Variants in RBBP8NL observed in about 807,000 individuals in gnomAD.
RBBP8NL encodes the protein RBBP8 N-terminal like, also known as RBBP8 N-terminal-like protein.
Under a neutral mutation model 62.2 loss-of-function variants are expected in RBBP8NL, and 59 were observed. The observed-to-expected ratio is 0.95, with a 90% confidence interval of 0.77 to 1.18. The LOEUF is 1.18. RBBP8NL is among the 50% of genes most tolerant of loss of function. The pLI is 0.00. For missense variants in RBBP8NL, 896 were observed against 899.5 expected (o/e 1.00, Z 0.05); for synonymous variants, 412 against 394.1 (o/e 1.05, Z -0.54).
intron 5 of RBBP8NL, 58 bp from the exon 6 acceptor site, chr20:62,416,294 T>TGGGGGGG: frequency 9.7e-6 from 5 of 515,302 alleles, no homozygotes; most frequent in East Asian, 9.4e-5. Context: ...GGGGCAGGGG[T>TGGGGGGG]GGGGTCGTCA....
chr20:62,414,005 C>A lies in RBBP8NL; in HGVS notation c.1346G>T (p.Arg449Leu). Residue 449 changes from arginine (R) to leucine (L), a missense_variant, in exon 10 of 14, where the codon CGG becomes CTG. Arg to Leu is a moderately radical substitution (Grantham distance 102, BLOSUM62 -2). Transcript: ENST00000252998. ...CTTGGGAGTGTCCTGGCCCCGGGCC[C>A]GGCCCCACTCCGAGAGGTCCAGGGG... The part of the protein sequence containing the change: ...DKPLDLSEWG[R>L]ARGQDTPKPA... 6.4e-7 allele frequency: 1 copy of A among 1,574,046 alleles called. No individual in the cohort carries two copies. The highest frequency in any genetic ancestry group is 8.6e-7 in the Non-Finnish European group (1 of 1,160,410).
chr20:62,411,025 G>A (rs757516261), intron 13 of RBBP8NL, 29 bp from the exon 14 acceptor site: 1 of 1,465,230 alleles, frequency 6.8e-7, no homozygotes, highest in Middle Eastern at 1.7e-4. Flanking sequence ...GGTCAGGCCG[G>A]AGCTGTGTGC....
At chr20:62,421,095 G>A (rs1033657665) in intron 1 of RBBP8NL, among the ~76,000 whole-genome samples, 1 of 152,272 alleles carries the variant, frequency 6.6e-6, no homozygotes, top group Non-Finnish European at 1.5e-5. Flanking sequence ...CTGGGAGGTT[G>A]GGATACCGGT....
intron 1 of RBBP8NL, among the ~76,000 whole-genome samples, 192 bp downstream of exon 1, chr20:62,427,268 C>T (rs894030553): frequency 1.2e-4 from 18 of 152,238 alleles, no homozygotes; most frequent in South Asian, 2.1e-4. Context: ...GAGCTCTCTC[C>T]GTTGCTAGGT....
At chr20:62,424,568 G>A (rs1266686784) in intron 1 of RBBP8NL, among the ~76,000 whole-genome samples, 2 of 152,186 alleles carry the variant, frequency 1.3e-5, no homozygotes, top group Non-Finnish European at 1.5e-5. Context: ...CACCAGAACG[G>A]AACAGAGCCC....
intron 1 of RBBP8NL, among the ~76,000 whole-genome samples, chr20:62,425,572 C>T (rs1049355909): frequency 2.6e-5 from 4 of 152,354 alleles, no homozygotes; most frequent in African/African-American, 9.6e-5. Context: ...TGTTCTTACC[C>T]TGTCCTCTGG....
chr20:62,416,861 C>A lies in RBBP8NL; in HGVS notation c.212G>T (p.Gly71Val). ...LRVLENRLRA[G>V]LCDRCMVTQE... ...GGTGACCATGCAGCGGTCGCACAGGCCGGCCCGCAGCCTGCAGGGATGGGG... is the reference window on the plus strand; with the variant it reads ...GGTGACCATGCAGCGGTCGCACAGGACGGCCCGCAGCCTGCAGGGATGGGG... Residue 71 changes from glycine (G) to valine (V), a missense_variant, in exon 5 of 14, where the codon GGC becomes GTC. Coordinates refer to ENST00000252998, the MANE Select transcript of RBBP8NL (RefSeq NM_080833.3). 6.4e-7 allele frequency: 1 copy of A among 1,563,174 alleles called. No individual in the cohort carries two copies. The highest frequency in any genetic ancestry group is 8.7e-7 in the Non-Finnish European group (1 of 1,154,706).
At chr20:62,413,102 C>A (rs1988472831) in intron 11 of RBBP8NL, among the ~76,000 whole-genome samples, 1 of 152,270 alleles carries the variant, frequency 6.6e-6, no homozygotes, top group Non-Finnish European at 1.5e-5. Context: ...AGTTGGGGTT[C>A]CCGCCCCTGG....
chr20:62,420,516 A>G (rs903617971), intron 1 of RBBP8NL, among the ~76,000 whole-genome samples: 2 of 152,114 alleles, frequency 1.3e-5, no homozygotes, highest in Non-Finnish European at 2.9e-5. Context: ...CACAACACAC[A>G]GGCACACACC....
chr20:62,421,229 G>A (rs933112977), intron 1 of RBBP8NL, among the ~76,000 whole-genome samples: 2 of 152,194 alleles, frequency 1.3e-5, no homozygotes, highest in Non-Finnish European at 2.9e-5. Context: ...TGCCGTGTGT[G>A]TGCACGCCCG....
chr20:62,412,168 G>A (rs1988448797), intron 13 of RBBP8NL, among the ~76,000 whole-genome samples: 1 of 152,220 alleles, frequency 6.6e-6, no homozygotes, highest in East Asian at 1.9e-4. Flanking sequence ...GTGCCCCCAT[G>A]CCCCTCGGGG....
intron 5 of RBBP8NL, 58 bp from the exon 6 acceptor site, chr20:62,416,294 T>TGGGGGGGGGGGGGGGGGGGGGGGGGGG: frequency 1.4e-5 from 7 of 515,288 alleles, no homozygotes; most frequent in East Asian, 9.4e-5. Flanking sequence ...GGGGCAGGGG[T>TGGGGGGGGGGGGGGGGGGGGGGGGGGG]GGGGTCGTCA....
intron 3 of RBBP8NL, 27 bp from the exon 4 acceptor site, chr20:62,417,346 G>A (rs6061521): frequency 0.45 from 694,829 of 1,546,806 alleles, 161,253 homozygotes; most frequent in East Asian, 0.65. Flanking sequence ...CTAAAGTGGG[G>A]TCCTGTTCCA....
intron 8 of RBBP8NL, 134 bp from the exon 9 acceptor site, chr20:62,415,421 C>T (rs911433160): frequency 3.5e-5 from 48 of 1,373,120 alleles, no homozygotes; most frequent in Middle Eastern, 2.5e-4. Flanking sequence ...CCCCCACCCA[C>T]GCCAAATGGA....
chr20:62,415,592 G>A lies in RBBP8NL; in HGVS notation c.613C>T (p.Arg205Ter), dbSNP rs1292531905. ...CCTGCCCTTACCATGTCTGGGGCTC[G>A]CGACTCAGGCAGGGTGGCCCCTGGG... ...ISPGATLPES[R>*]APDMSPQRIS... The change falls in exon 8 of 14, where the codon CGA (arginine) becomes TGA (stop). Residue 205 changes from arginine (R) to a stop codon, truncating the protein, a stop_gained. Coordinates refer to ENST00000252998, the MANE Select transcript of RBBP8NL (RefSeq NM_080833.3). LOFTEE classifies it high-confidence loss of function. 1.9e-6 allele frequency: 3 copies of A among 1,612,658 alleles called. No individual in the cohort carries two copies. The highest frequency in any genetic ancestry group is 2.5e-6 in the Non-Finnish European group (3 of 1,179,892).
At chr20:62,422,137 C>T (rs1211675905) in intron 1 of RBBP8NL, among the ~76,000 whole-genome samples, 2 of 152,186 alleles carry the variant, frequency 1.3e-5, no homozygotes, top group Non-Finnish European at 2.9e-5. Flanking sequence ...ACTTCGGGCT[C>T]GCAGCTGGAG....
Position 62,417,247 on chromosome 20 carries a change from C to CCCGGA in RBBP8NL, c.176_177insTCCGG (p.Glu59AspfsTer52), listed in dbSNP as rs772007830. On this transcript the variant is annotated frameshift_variant, in exon 4 of 14. Coordinates refer to ENST00000252998, the MANE Select transcript of RBBP8NL (RefSeq NM_080833.3). LOFTEE classifies it high-confidence loss of function. ...ACCTGTTCTCCAGCACCCGCAGGTTCTCCTTCAGTGTCTTCTGCTGTTCCC... is the reference window on the plus strand; with the variant it reads ...ACCTGTTCTCCAGCACCCGCAGGTTCCCGGATCCTTCAGTGTCTTCTGCTGTTCCC... The CCCGGA allele has an allele frequency of 1.9e-6, 3 of 1,605,910 alleles. No homozygotes were observed. Among genetic ancestry groups the CCCGGA allele is most frequent in the Non-Finnish European group, 2.6e-6 (3 of 1,176,246 alleles).
chr20:62,417,187 G>T, intron 4 of RBBP8NL, 37 bp downstream of exon 4: 2 of 1,506,356 alleles, frequency 1.3e-6, no homozygotes, highest in African/African-American at 1.4e-5. Context: ...GAGCCCACCG[G>T]TCCTGGCCAT....
chr20:62,413,869 G>A lies in RBBP8NL; in HGVS notation c.1482C>T (p.Gly494=). The A allele has an allele frequency of 6.3e-7, 1 of 1,596,226 alleles. No individual in the cohort carries two copies. Residue 494 remains glycine (G), a synonymous_variant, in exon 10 of 14, where the codon GGC becomes GGT. Transcript: ENST00000252998. ...GCTCTGGCACTCTGGTCCCCTTGGTGCCATTGCTGAGTGCCTGGGGACTGC... is the reference window on the plus strand; with the variant it reads ...GCTCTGGCACTCTGGTCCCCTTGGTACCATTGCTGAGTGCCTGGGGACTGC... ...LTRSPQALSN[G]TKGTRVPEQE...
Sources: allele counts gnomAD v4.1 joint callset (sites outside exome capture counted in the v4.1 genomes callset), GRCh38; gene constraint gnomAD v4.1.1; transcripts MANE v1.5; gene names NCBI Gene and HGNC (gene_info 2026-07-23, HGNC 2026-07-21).